HPCAL1: variants seen among roughly 807,000 people sequenced by gnomAD.
The protein encoded by HPCAL1 is hippocalcin like 1, also known as hippocalcin-like protein 1.
HPCAL1 carries 8 observed loss-of-function variants against 17.1 expected under a neutral mutation model. The observed-to-expected ratio is 0.47, with a 90% CI of 0.27 to 0.84. The LOEUF (loss-of-function observed/expected upper bound fraction) is 0.84, where lower values mean the gene tolerates loss of function less well. HPCAL1 is among the 40% of genes least tolerant of loss of function. The pLI is 0.13. For synonymous variants in HPCAL1, 112 were observed against 111.4 expected (o/e 1.01, Z -0.03); for missense variants, 165 against 271.1 (o/e 0.61, Z 2.75).
At chr2:10,396,118 G>T (rs541266534) in intron 1 of HPCAL1, among the ~76,000 whole-genome samples, 1 of 152,166 alleles carries the variant, frequency 6.6e-6, no homozygotes, top group Non-Finnish European at 1.5e-5. Flanking sequence ...CTAGACACCC[G>T]CAATGCAAAT....
chr2:10,422,732 C>A (rs544051799), intron 3 of HPCAL1, among the ~76,000 whole-genome samples: 1 of 152,330 alleles, frequency 6.6e-6, no homozygotes, highest in Non-Finnish European at 1.5e-5. Context: ...CACTACCCAC[C>A]CCCAGGCAGA....
At chr2:10,318,236 A>C (rs952566098) in intron 1 of HPCAL1, among the ~76,000 whole-genome samples, 3 of 152,010 alleles carry the variant, frequency 2.0e-5, no homozygotes, top group African/African-American at 7.2e-5. Context: ...CCTCAAACTC[A>C]CTGAAACAGA....
At chr2:10,332,880 A>T (rs1011552974) in intron 1 of HPCAL1, among the ~76,000 whole-genome samples, 16 of 147,200 alleles carry the variant, frequency 1.1e-4, no homozygotes, top group Non-Finnish European at 2.1e-4. Context: ...ACTAAGCAGG[A>T]TTCTTGCTGA....
At chr2:10,415,851 G>C (rs895739767) in intron 2 of HPCAL1, among the ~76,000 whole-genome samples, 1 of 152,228 alleles carries the variant, frequency 6.6e-6, no homozygotes, top group Admixed American at 6.5e-5. Context: ...CCCAGGACTT[G>C]TTTGTGGAAG....
At chr2:10,385,578 G>C (rs1371179098) in intron 1 of HPCAL1, among the ~76,000 whole-genome samples, 1 of 152,172 alleles carries the variant, frequency 6.6e-6, no homozygotes, top group African/African-American at 2.4e-5. Flanking sequence ...ATGAGAAGCT[G>C]TAGAGGAGAT....
At chr2:10,402,146 C>T (rs62130186) in intron 2 of HPCAL1, among the ~76,000 whole-genome samples, 36,256 of 152,004 alleles carry the variant, frequency 0.24, 4,929 homozygotes, top group South Asian at 0.42. Context: ...GTAATCTGCC[C>T]GCCTCGGCCT....
intron 2 of HPCAL1, among the ~76,000 whole-genome samples, chr2:10,416,401 A>G (rs1288778370): frequency 6.6e-6 from 1 of 152,130 alleles, no homozygotes; most frequent in Non-Finnish European, 1.5e-5. Context: ...CCAAGGCAAC[A>G]CAGGAAGGAG....
At chr2:10,326,732 G>C (rs1393226167) in intron 1 of HPCAL1, among the ~76,000 whole-genome samples, 1 of 152,146 alleles carries the variant, frequency 6.6e-6, no homozygotes, top group Admixed American at 6.5e-5. Context: ...CAGCGTTCAT[G>C]AGCACAGGGT....
At chr2:10,387,366 C>A (rs1668385772) in intron 1 of HPCAL1, among the ~76,000 whole-genome samples, 1 of 152,238 alleles carries the variant, frequency 6.6e-6, no homozygotes, top group Non-Finnish European at 1.5e-5. Context: ...GCACTGGGGA[C>A]TGGCTCTAGC....
In HPCAL1 at chr2:10,426,616, G is replaced by T. The variant is rs1445518664; in HGVS notation, c.485-108G>T. On this transcript the variant is annotated intron_variant, in intron 4 of 4. Transcript: ENST00000307845. ...ACCGTCCAGCTTCAAGAAGGCTCAG[G>T]ACTTTCAACAAAGGGAGCATACCTG... The T allele has an allele frequency of 3.6e-6, 3 of 843,138 alleles. No homozygotes were observed. In the East Asian group the frequency reaches 7.3e-5, roughly 21 times the overall value. 52.2% of individuals were successfully genotyped at this position (843,138 alleles called of 1,614,324 possible). A position where few individuals can be genotyped will look rare whatever the true frequency, so the allele number is the denominator to read the frequency against.
chr2:10,304,436 G>A lies in HPCAL1; in HGVS notation c.-111+1259G>A, dbSNP rs1424657835. 5.1e-4 allele frequency among the ~76,000 whole-genome samples: 2 copies of A among 3,940 alleles called. No individual in the cohort carries two copies. The highest frequency in any genetic ancestry group is 6.8e-3 in the African/African-American group (2 of 294). The allele number at this position is 3,940 out of a possible 152,430, so 2.6% of individuals were successfully genotyped here. On this transcript the variant is annotated intron_variant, in intron 1 of 4. Coordinates refer to ENST00000307845, the MANE Select transcript of HPCAL1 (RefSeq NM_002149.4). This position sits in a 1 kb window ranked among gnomAD's most constrained non-coding sequence, Gnocchi z 4.1. ...GACCCCAATTCCACCAGAGGAGGAT[G>A]TTTGCCAGGGACGCCGAGTCCAGCT...
chr2:10,344,465 T>C lies in HPCAL1; in HGVS notation c.-111+41288T>C, dbSNP rs1665285437. 6.6e-6 allele frequency among the ~76,000 whole-genome samples: 1 copy of C among 152,230 alleles called. No individual in the cohort carries two copies. The highest frequency in any genetic ancestry group is 6.5e-5 in the Admixed American group (1 of 15,290). On this transcript the variant is annotated intron_variant, in intron 1 of 4. Transcript: ENST00000307845. This position sits in a 1 kb window ranked among gnomAD's most constrained non-coding sequence, Gnocchi z 4.9. ...GCGCATGCACCAAGCGGCGATTCCATAGTTGTATAGTGATTGTCTTTATGG... is the reference window on the plus strand; with the variant it reads ...GCGCATGCACCAAGCGGCGATTCCACAGTTGTATAGTGATTGTCTTTATGG...
At position 10,419,236 on chromosome 2, in the gene HPCAL1, TAAAG is replaced by T. The variant is rs1471735727; in HGVS notation, c.-24-495_-24-492del. 3.9e-5 allele frequency among the ~76,000 whole-genome samples: 4 copies of T among 101,388 alleles called. No individual in the cohort carries two copies. The highest frequency in any genetic ancestry group is 1.7e-4 in the Admixed American group (2 of 11,454). The allele number at this position is 101,388 out of a possible 152,430, so 66.5% of individuals were successfully genotyped here. A position where few individuals can be genotyped will look rare whatever the true frequency, so the allele number is the denominator to read the frequency against. On this transcript the variant is annotated intron_variant, in intron 2 of 4. Coordinates refer to ENST00000307845, the MANE Select transcript of HPCAL1 (RefSeq NM_002149.4). This position sits in a 1 kb window ranked among gnomAD's most constrained non-coding sequence, Gnocchi z 5.0. ...CAAAAGAAACAAACAAATAAACAAATAAAGAAGGTGGGTGGGGGTGACTCCCTGA... is the reference window on the plus strand; with the variant it reads ...CAAAAGAAACAAACAAATAAACAAATAAGGTGGGTGGGGGTGACTCCCTGA...
intron 1 of HPCAL1, among the ~76,000 whole-genome samples, chr2:10,349,970 C>CGATTT (rs1228951516): frequency 1.3e-5 from 2 of 152,010 alleles, no homozygotes; most frequent in Non-Finnish European, 2.9e-5. Flanking sequence ...AAATCCTTGC[C>CGATTT]GATTTCATAT....
At chr2:10,424,211 C>T in intron 4 of HPCAL1, 1 of 323,882 alleles carries the variant, frequency 3.1e-6, no homozygotes, top group Non-Finnish European at 6.2e-6. Context: ...AGCATGGCCC[C>T]AGCGGGAGAC....
rs529499675 is a variant in HPCAL1, at chr2:10,325,996, T to C, written c.-111+22819T>C. On this transcript the variant is annotated intron_variant, in intron 1 of 4. Transcript: ENST00000307845. ...GCTGTTGGGTTAACATTTAAGCCAC[T>C]GAACAGTCATGGAGTGTTTGCTTGG... Among the ~76,000 whole-genome samples the C allele has an allele frequency of 4.8e-4, 73 of 152,348 alleles. 1 individual carries two copies. Among genetic ancestry groups the C allele is most frequent in the African/African-American group, 1.8e-3 (73 of 41,590 alleles).
At chr2:10,360,560 C>T (rs1666457702) in intron 1 of HPCAL1, among the ~76,000 whole-genome samples, 4 of 152,182 alleles carry the variant, frequency 2.6e-5, no homozygotes, top group Admixed American at 6.5e-5. Flanking sequence ...TCCAGGCACC[C>T]GCCACCACAC....
intron 1 of HPCAL1, among the ~76,000 whole-genome samples, chr2:10,338,076 GCATTTAGAAGACCA>G (rs1350471838): frequency 6.6e-6 from 1 of 152,144 alleles, no homozygotes; most frequent in African/African-American, 2.4e-5. Context: ...TAGAAGTGGC[GCATTTAGAAGACCA>G]CATATTCTAT....
intron 1 of HPCAL1, among the ~76,000 whole-genome samples, chr2:10,378,261 G>A (rs868503262): frequency 6.7e-6 from 1 of 149,418 alleles, no homozygotes; most frequent in South Asian, 2.1e-4. Context: ...TGCTTTGAAG[G>A]GAGGTGTGGG....
Sources: allele counts gnomAD v4.1 joint callset (sites outside exome capture counted in the v4.1 genomes callset), GRCh38; gene constraint gnomAD v4.1.1; non-coding constraint Gnocchi (gnomAD v3.1); transcripts MANE v1.5; gene names NCBI Gene and HGNC (gene_info 2026-07-23, HGNC 2026-07-21).